LSM2: variants seen among roughly 807,000 people sequenced by gnomAD.
LSM2 encodes U6 snRNA-associated Sm-like protein LSm2.
A neutral mutation model predicts 17.0 loss-of-function variants in LSM2; 12 were observed. The ratio of observed to expected loss-of-function variants is 0.70; its 90% confidence interval spans 0.45 to 1.14. LSM2 has a LOEUF of 1.14. LSM2 is among the 50% of genes most tolerant of loss of function. The pLI, the probability that LSM2 is intolerant of heterozygous loss-of-function variation, is 0.00. For synonymous variants in LSM2, 42 were observed against 44.5 expected (o/e 0.94, Z 0.22); for missense variants, 62 against 111.8 (o/e 0.55, Z 2.01).
intron 2 of LSM2, among the ~76,000 whole-genome samples, chr6:31,802,005 G>A (rs1814739870): frequency 6.6e-6 from 1 of 151,904 alleles, no homozygotes; most frequent in South Asian, 2.1e-4. Context: ...AAAAAGGCCG[G>A]GTGCAGTGGC....
intron 1 of LSM2, chr6:31,806,375 T>C (rs1815037058): frequency 5.0e-6 from 3 of 603,580 alleles, no homozygotes; most frequent in Non-Finnish European, 8.8e-6. Flanking sequence ...CTGCCCTGCA[T>C]ACGTCGGCCT....
intron 2 of LSM2, among the ~76,000 whole-genome samples, chr6:31,801,816 ATCT>A (rs1255486970): frequency 6.6e-6 from 1 of 151,608 alleles, no homozygotes; most frequent in African/African-American, 2.4e-5. Context: ...AAGGAGAAAG[ATCT>A]TCTTTCTCAT....
rs1815010929 is a variant in LSM2, at chr6:31,806,016, G to A, written c.71+59C>T. On this transcript the variant is annotated intron_variant, in intron 2 of 4. Coordinates refer to ENST00000375661, the MANE Select transcript of LSM2 (RefSeq NM_021177.5). ...GCCCTGAAATATTTCTCAAATTAAA[G>A]AGGTTCCAGGGCCCTGGGCACACCC... is the stretch of plus-strand genomic sequence containing the variant. 36 of 1,445,806 alleles carry A rather than the reference G, an allele frequency of 2.5e-5. No homozygotes were observed. In the Middle Eastern group the frequency reaches 5.3e-4, roughly 21 times the overall value. 89.6% of individuals were successfully genotyped at this position (1,445,806 alleles called of 1,614,324 possible).
intron 2 of LSM2, among the ~76,000 whole-genome samples, chr6:31,802,316 G>A (rs1814760570): frequency 1.3e-5 from 2 of 151,768 alleles, no homozygotes; most frequent in East Asian, 3.9e-4. Context: ...AAAAAAGAAG[G>A]CTGGGCGCAG....
intron 1 of LSM2, 107 bp downstream of exon 1, chr6:31,806,648 A>C: frequency 7.1e-7 from 1 of 1,400,074 alleles, no homozygotes. Context: ...AAAGATGAAG[A>C]TAAAAACTCC....
At chr6:31,804,754 C>CT (rs1443028818) in intron 2 of LSM2, among the ~76,000 whole-genome samples, 1 of 126,322 alleles carries the variant, frequency 7.9e-6, no homozygotes, top group African/African-American at 3.0e-5. Flanking sequence ...ATGGCCTGTT[C>CT]TTTTTTTTCT....
chr6:31,798,894 G>A (rs1003146759), intron 2 of LSM2, among the ~76,000 whole-genome samples: 27 of 151,784 alleles, frequency 1.8e-4, no homozygotes, highest in African/African-American at 5.8e-4. Flanking sequence ...ATGCCATCAT[G>A]CCCGGCTAAT....
chr6:31,800,405 A>C (rs1408720692), intron 2 of LSM2, among the ~76,000 whole-genome samples: 1 of 152,210 alleles, frequency 6.6e-6, no homozygotes, highest in African/African-American at 2.4e-5. Flanking sequence ...CTTGCCAAAA[A>C]TAAAGTTGGC....
At position 31,798,839 on chromosome 6, in the gene LSM2, C is replaced by T. The variant is rs143361970; in HGVS notation, c.72-332G>A. On this transcript the variant is annotated intron_variant, in intron 2 of 4. Transcript: ENST00000375661. ...GCAACCTCTGCCTCCCAGGTTCAAG[C>T]GATTCTCCTGCCTCAGTCTCCTGAG... 3.3e-3 allele frequency among the ~76,000 whole-genome samples: 484 copies of T among 146,468 alleles called. 3 individuals carry two copies. Among genetic ancestry groups the T allele is most frequent in the African/African-American group, 0.012 (457 of 39,690 alleles).
intron 2 of LSM2, among the ~76,000 whole-genome samples, chr6:31,800,322 T>C (rs1814621642): frequency 6.6e-6 from 1 of 151,406 alleles, no homozygotes; most frequent in Non-Finnish European, 1.5e-5. Flanking sequence ...GGTGACAGAG[T>C]GAGACTCCAT....
rs181738124 is a variant in LSM2, at chr6:31,800,526, G to A, written c.72-2019C>T. Among the ~76,000 whole-genome samples the A allele has an allele frequency of 5.3e-4, 80 of 152,150 alleles. 1 individual carries two copies. Among genetic ancestry groups the A allele is most frequent in the African/African-American group, 1.9e-3 (77 of 41,530 alleles). On this transcript the variant is annotated intron_variant, in intron 2 of 4. Coordinates refer to ENST00000375661, the MANE Select transcript of LSM2 (RefSeq NM_021177.5). ...CCAGAACTTTAGGAGGCCAAGGTGG[G>A]CGGATCACTTGAGGCCAGGACTTCA... is the stretch of plus-strand genomic sequence containing the variant.
At chr6:31,798,790 G>A (rs1012418777) in intron 2 of LSM2, among the ~76,000 whole-genome samples, 1 of 130,144 alleles carries the variant, frequency 7.7e-6, no homozygotes, top group Non-Finnish European at 1.5e-5. Flanking sequence ...AGGCTGAAGT[G>A]CAGTGGTGTG....
At chr6:31,802,333 A>G (rs933313309) in intron 2 of LSM2, among the ~76,000 whole-genome samples, 4 of 152,114 alleles carry the variant, frequency 2.6e-5, no homozygotes, top group African/African-American at 9.7e-5. Flanking sequence ...GCAGTGGCTC[A>G]CACCTGTAAT....
chr6:31,797,945 T>G (rs777949761), intron 4 of LSM2, 45 bp downstream of exon 4: 1 of 1,611,842 alleles, frequency 6.2e-7, no homozygotes, highest in Non-Finnish European at 8.5e-7. Flanking sequence ...CCCAGGGGCC[T>G]CCTGCTTTAG....
At chr6:31,798,561 T>C (rs113181670) in intron 2 of LSM2, 54 bp from the exon 3 acceptor site, 34 of 1,587,846 alleles carry the variant, frequency 2.1e-5, no homozygotes, top group South Asian at 1.9e-4. Flanking sequence ...AAAGTCAACA[T>C]AGAGGTGACT....
intron 2 of LSM2, among the ~76,000 whole-genome samples, chr6:31,805,836 G>A (rs930022326): frequency 6.6e-6 from 1 of 151,812 alleles, no homozygotes; most frequent in African/African-American, 2.4e-5. Flanking sequence ...TATTGCCTGG[G>A]CTAGAGTGCA....
At chr6:31,803,107 A>G (rs1814814597) in intron 2 of LSM2, among the ~76,000 whole-genome samples, 1 of 152,124 alleles carries the variant, frequency 6.6e-6, no homozygotes. Context: ...ATACACATCA[A>G]TATCACTTGC....
chr6:31,806,844 G>A lies in LSM2; in HGVS notation c.-87C>T, dbSNP rs1307307996. 8.0e-6 allele frequency: 12 copies of A among 1,493,210 alleles called. No homozygotes were observed. The highest frequency in any genetic ancestry group is 1.4e-5 in the African/African-American group (1 of 70,142). The allele number at this position is 1,493,210 out of a possible 1,614,324, so 92.5% of individuals were successfully genotyped here. The stretch of plus-strand genomic sequence containing the variant: ...TGGGGAAACCGAAGCGCGAGCCCGC[G>A]CGTGGGGCGAGGCGGGACCGCGCAG... On this transcript the variant is annotated 5_prime_UTR_variant, in exon 1 of 5. Coordinates refer to ENST00000375661, the MANE Select transcript of LSM2 (RefSeq NM_021177.5).
rs758684805 is a variant in LSM2, at chr6:31,797,745, G to A, written c.*12C>T. 3.0e-5 allele frequency: 48 copies of A among 1,612,246 alleles called. No homozygotes were observed. Among genetic ancestry groups the A allele is most frequent in the Admixed American group, 2.3e-4 (14 of 59,988 alleles). The stretch of plus-strand genomic sequence containing the variant: ...ACCAATGAAAGAGGGAGGGGAAGAG[G>A]AGGAGGAGCCATCACTGTTTCTGCT... On this transcript the variant is annotated 3_prime_UTR_variant, in exon 5 of 5. Coordinates refer to ENST00000375661, the MANE Select transcript of LSM2 (RefSeq NM_021177.5).
Sources: allele counts gnomAD v4.1 joint callset (sites outside exome capture counted in the v4.1 genomes callset), GRCh38; gene constraint gnomAD v4.1.1; transcripts MANE v1.5; gene names NCBI Gene and HGNC (gene_info 2026-07-23, HGNC 2026-07-21).